The following KDM2A variants were observed in gnomAD, a reference collection of about 807,000 sequenced individuals.
The protein encoded by KDM2A is lysine demethylase 2A, also known as lysine-specific demethylase 2A.
A neutral mutation model predicts 137.3 loss-of-function variants in KDM2A; 3 were observed. That is an observed-to-expected ratio of 0.02 (90% CI 0.01 to 0.06). The LOEUF (loss-of-function observed/expected upper bound fraction) is 0.06. Ranked by LOEUF, KDM2A falls within the 10% of genes least tolerant of loss-of-function variation. KDM2A has a pLI of 1.00. For synonymous variants in KDM2A, 512 were observed against 541.5 expected, an observed-to-expected ratio of 0.95 and a Z score of 0.76; for missense variants, 738 against 1,510.6, an observed-to-expected ratio of 0.49 and a Z score of 8.48.
intron 2 of KDM2A, among the ~76,000 whole-genome samples, chr11:67,151,992 T>C (rs1048261952): frequency 6.6e-6 from 1 of 152,098 alleles, no homozygotes; most frequent in Non-Finnish European, 1.5e-5. Flanking sequence ...TTTGAAGTGA[T>C]TTACTGGGTT....
chr11:67,237,537 A>G (rs768329203), intron 12 of KDM2A, among the ~76,000 whole-genome samples: 40 of 151,908 alleles, frequency 2.6e-4, no homozygotes, highest in Non-Finnish European at 4.0e-4. Context: ...GCCTTGAGCA[A>G]TCCTCCTGCC....
At chr11:67,251,418 G>A (rs1181563054) in intron 17 of KDM2A, among the ~76,000 whole-genome samples, 3 of 152,162 alleles carry the variant, frequency 2.0e-5, no homozygotes, top group East Asian at 1.9e-4. Context: ...CAGACACTTG[G>A]GGGAAAAAAT....
intron 2 of KDM2A, among the ~76,000 whole-genome samples, chr11:67,129,331 G>A (rs1000373860): frequency 1.3e-5 from 2 of 152,210 alleles, no homozygotes; most frequent in African/African-American, 4.8e-5. Flanking sequence ...ACTTAGGCCT[G>A]TAATCCCAGC....
intron 2 of KDM2A, among the ~76,000 whole-genome samples, chr11:67,130,734 A>G (rs1392730562): frequency 6.6e-6 from 1 of 152,176 alleles, no homozygotes; most frequent in African/African-American, 2.4e-5. Context: ...GCACTTTCAC[A>G]TCAAAAAGGG....
chr11:67,177,071 A>G (rs1269802116), intron 2 of KDM2A, among the ~76,000 whole-genome samples: 1 of 152,212 alleles, frequency 6.6e-6, no homozygotes, highest in African/African-American at 2.4e-5. Flanking sequence ...CAGCCTGGCC[A>G]ACATGGCGAA....
At chr11:67,249,991 C>A in intron 16 of KDM2A, 95 bp from the exon 17 acceptor site, 2 of 1,024,420 alleles carry the variant, frequency 2.0e-6, no homozygotes, top group South Asian at 1.6e-5. Context: ...TTTCTTCTCT[C>A]TGGTCCCCTG....
intron 16 of KDM2A, chr11:67,248,649 G>A (rs78203875): frequency 2.5e-5 from 9 of 362,292 alleles, no homozygotes; most frequent in African/African-American, 1.3e-4. Flanking sequence ...GAGGAACCAC[G>A]GCTGGGCTAT....
intron 18 of KDM2A, 31 bp downstream of exon 18, chr11:67,252,888 A>G (rs1452389652): frequency 1.9e-6 from 3 of 1,580,734 alleles, no homozygotes; most frequent in African/African-American, 1.4e-5. Flanking sequence ...CTGTCTTTCC[A>G]GGGGCCCAGA....
chr11:67,151,832 A>T (rs1030569521), intron 2 of KDM2A, among the ~76,000 whole-genome samples: 1 of 151,708 alleles, frequency 6.6e-6, no homozygotes, highest in South Asian at 2.1e-4. Flanking sequence ...ATAGCCTTGA[A>T]CTCCTGGGCT....
At chr11:67,170,162 C>A (rs1197832058) in intron 2 of KDM2A, among the ~76,000 whole-genome samples, 1 of 152,018 alleles carries the variant, frequency 6.6e-6, no homozygotes, top group Non-Finnish European at 1.5e-5. Flanking sequence ...AGTTCAAACA[C>A]CTTGTGATAG....
intron 2 of KDM2A, chr11:67,149,088 CT>C (rs965457924): frequency 3.9e-5 from 6 of 152,066 alleles, no homozygotes; most frequent in African/African-American, 1.4e-4. Context: ...TTTTTTTCCC[CT>C]GAAGCTCTTT....
chr11:67,241,972 G>A (rs1029255196), intron 12 of KDM2A, among the ~76,000 whole-genome samples: 29 of 152,318 alleles, frequency 1.9e-4, no homozygotes, highest in African/African-American at 7.0e-4. Context: ...AGGAGGCTGA[G>A]GCAGGAGAAT....
intron 2 of KDM2A, among the ~76,000 whole-genome samples, chr11:67,136,479 C>G (rs1203917990): frequency 6.6e-6 from 1 of 152,154 alleles, no homozygotes; most frequent in Non-Finnish European, 1.5e-5. Flanking sequence ...TTGTTGAGTG[C>G]TTATGTTGTA....
intron 5 of KDM2A, among the ~76,000 whole-genome samples, chr11:67,199,549 A>G (rs1857565616): frequency 6.6e-6 from 1 of 152,244 alleles, no homozygotes; most frequent in African/African-American, 2.4e-5. Context: ...CAAACCAGCT[A>G]TAACATTCCC....
intron 5 of KDM2A, among the ~76,000 whole-genome samples, chr11:67,203,799 T>C (rs974399380): frequency 6.6e-5 from 10 of 151,392 alleles, no homozygotes; most frequent in Non-Finnish European, 1.2e-4. Context: ...TCTTTTTTTT[T>C]TTTTTCTTTT....
chr11:67,138,303 A>G (rs1261710809), intron 2 of KDM2A, among the ~76,000 whole-genome samples: 1 of 152,264 alleles, frequency 6.6e-6, no homozygotes, highest in Non-Finnish European at 1.5e-5. Context: ...AAAAATACAT[A>G]AAATGTAGAG....
rs1254883355 is a variant in KDM2A, at chr11:67,228,183, G to A, written c.1084+20G>A. 2 of 1,612,296 alleles carry A rather than the reference G, an allele frequency of 1.2e-6. No homozygotes were observed. Among genetic ancestry groups the A allele is most frequent in the Non-Finnish European group, 1.7e-6 (2 of 1,178,698 alleles). On this transcript the variant is annotated intron_variant, in intron 11 of 20. Coordinates refer to ENST00000529006, the MANE Select transcript of KDM2A (RefSeq NM_012308.3). The stretch of plus-strand genomic sequence containing the variant: ...GCATGGGTAAGTATTCTGCCTATAG[G>A]AGCTTTGAAGACACCGCTTAGGTCT...
intron 10 of KDM2A, among the ~76,000 whole-genome samples, chr11:67,227,523 A>C (rs1483408867): frequency 6.7e-6 from 1 of 149,850 alleles, no homozygotes; most frequent in Non-Finnish European, 1.5e-5. Context: ...TTCCCACTCA[A>C]CCAAGACAGC....
At chr11:67,153,147 G>A (rs1856434173) in intron 2 of KDM2A, among the ~76,000 whole-genome samples, 1 of 152,082 alleles carries the variant, frequency 6.6e-6, no homozygotes, top group Non-Finnish European at 1.5e-5. Context: ...ACCACGCCCA[G>A]CTAATTTTTG....
Sources: allele counts gnomAD v4.1 joint callset (sites outside exome capture counted in the v4.1 genomes callset), GRCh38; gene constraint gnomAD v4.1.1; transcripts MANE v1.5; gene names NCBI Gene and HGNC (gene_info 2026-07-23, HGNC 2026-07-21).